Variants in XXYLT1 observed in about 807,000 individuals in gnomAD.
XXYLT1 encodes the protein UDP-xylose:alpha-xyloside alpha-1,3-xylosyltransferase.
In XXYLT1, 20 loss-of-function variants were observed where a neutral mutation model predicts 28.9. The observed-to-expected ratio is 0.69, with a 90% CI of 0.49 to 1.00. The LOEUF (loss-of-function observed/expected upper bound fraction) is 1.00, where lower values mean the gene tolerates loss of function less well. Ranked by LOEUF, XXYLT1 falls within the 50% of genes least tolerant of loss-of-function variation. XXYLT1 has a pLI of 0.00. For missense variants in XXYLT1, 542 were observed against 560.1 expected, an observed-to-expected ratio of 0.97 and a Z score of 0.33; for synonymous variants, 257 against 253.8, an observed-to-expected ratio of 1.01 and a Z score of -0.12.
In XXYLT1 at chr3:195,133,120, C is replaced by G. The variant is rs150545899; in HGVS notation, c.785+23329G>C. Among the ~76,000 whole-genome samples the G allele has an allele frequency of 2.2e-3, 333 of 152,254 alleles. No individual in the cohort carries two copies. Among genetic ancestry groups the G allele is most frequent in the African/African-American group, 7.7e-3 (320 of 41,538 alleles). The stretch of plus-strand genomic sequence containing the variant: ...TAAGCACCAGCATGGTCTCAGGGAC[C>G]TGACAGAAGGAGGGTGGCAAGAGAA... On this transcript the variant is annotated intron_variant, in intron 3 of 3. Transcript: ENST00000310380. This position sits in a 1 kb window ranked among gnomAD's most constrained non-coding sequence, Gnocchi z 4.4.
intron 3 of XXYLT1, among the ~76,000 whole-genome samples, chr3:195,106,261 G>C (rs1426183189): frequency 6.6e-6 from 1 of 152,088 alleles, no homozygotes; most frequent in Non-Finnish European, 1.5e-5. Context: ...TGTCGTTTTT[G>C]ATGGAGAGAT....
At chr3:195,100,574 C>T (rs978102449) in intron 3 of XXYLT1, among the ~76,000 whole-genome samples, 3 of 152,140 alleles carry the variant, frequency 2.0e-5, no homozygotes, top group Non-Finnish European at 4.4e-5. Flanking sequence ...CAGCCTCCTC[C>T]TCCTCTCTCC....
intron 2 of XXYLT1, among the ~76,000 whole-genome samples, chr3:195,189,150 A>G (rs1295700901): frequency 6.6e-6 from 1 of 152,178 alleles, no homozygotes; most frequent in Admixed American, 6.5e-5. Flanking sequence ...AGAGTAACAC[A>G]TGTGACTTGC....
chr3:195,121,676 A>G (rs564647203), intron 3 of XXYLT1, among the ~76,000 whole-genome samples: 4 of 152,294 alleles, frequency 2.6e-5, no homozygotes, highest in South Asian at 4.1e-4. Flanking sequence ...CCTATTCTGG[A>G]GAATGGCACC....
At chr3:195,239,617 A>G (rs868127708) in intron 1 of XXYLT1, among the ~76,000 whole-genome samples, 28 of 152,354 alleles carry the variant, frequency 1.8e-4, no homozygotes, top group African/African-American at 4.8e-4. Context: ...TAATTTGTTT[A>G]CATACACATA....
intron 3 of XXYLT1, among the ~76,000 whole-genome samples, chr3:195,116,776 A>G (rs1164342140): frequency 6.6e-6 from 1 of 152,104 alleles, no homozygotes; most frequent in African/African-American, 2.4e-5. Context: ...ACGGAAACAC[A>G]CTTGCTTGCC....
chr3:195,164,072 C>G (rs1204339387), intron 2 of XXYLT1, among the ~76,000 whole-genome samples: 1 of 152,210 alleles, frequency 6.6e-6, no homozygotes, highest in African/African-American at 2.4e-5. Flanking sequence ...AAGGTTACCC[C>G]CAAATAAATG....
At chr3:195,105,999 G>GACC (rs1560097206) in intron 3 of XXYLT1, among the ~76,000 whole-genome samples, 3 of 152,116 alleles carry the variant, frequency 2.0e-5, no homozygotes, top group African/African-American at 7.2e-5. Context: ...GCATTTCACC[G>GACC]GCGCGTAGCA....
chr3:195,174,760 C>T (rs759495697), intron 2 of XXYLT1, among the ~76,000 whole-genome samples: 1 of 149,188 alleles, frequency 6.7e-6, no homozygotes, highest in African/African-American at 2.5e-5. Context: ...CCTCCTCGTC[C>T]CCTTTCCCTT....
At chr3:195,259,658 C>T (rs1443795957) in intron 1 of XXYLT1, 1 of 985,166 alleles carries the variant, frequency 1.0e-6, no homozygotes, top group East Asian at 1.1e-4. Context: ...GTCCCTCCCG[C>T]AATTAAGGAC....
At chr3:195,189,706 G>A (rs1218095840) in intron 2 of XXYLT1, among the ~76,000 whole-genome samples, 4 of 151,990 alleles carry the variant, frequency 2.6e-5, no homozygotes, top group African/African-American at 7.2e-5. Flanking sequence ...GACACCTGTG[G>A]GACAACTTCA....
chr3:195,164,943 T>G (rs1185188325), intron 2 of XXYLT1, among the ~76,000 whole-genome samples: 1 of 152,058 alleles, frequency 6.6e-6, no homozygotes, highest in African/African-American at 2.4e-5. Flanking sequence ...TGGTGAAATG[T>G]GTGGGGACTT....
chr3:195,243,865 G>C (rs1724888352), intron 1 of XXYLT1, among the ~76,000 whole-genome samples: 2 of 152,214 alleles, frequency 1.3e-5, no homozygotes, highest in Admixed American at 1.3e-4. Flanking sequence ...GTCCTGGATG[G>C]ACTAGTAATT....
chr3:195,104,124 T>C (rs949639269), intron 3 of XXYLT1, among the ~76,000 whole-genome samples: 2 of 151,844 alleles, frequency 1.3e-5, no homozygotes, highest in South Asian at 4.2e-4. Flanking sequence ...GTCGGGCCCA[T>C]GAAATCTACT....
At chr3:195,202,752 C>A (rs1016985834) in intron 2 of XXYLT1, among the ~76,000 whole-genome samples, 3 of 152,194 alleles carry the variant, frequency 2.0e-5, no homozygotes, top group African/African-American at 7.2e-5. Flanking sequence ...CCAGAGATAG[C>A]CACTTAGGTC....
At chr3:195,081,215 C>T (rs994674894) in intron 3 of XXYLT1, among the ~76,000 whole-genome samples, 13 of 135,144 alleles carry the variant, frequency 9.6e-5, no homozygotes, top group Admixed American at 9.4e-4. Context: ...CCAAGAATCA[C>T]ACTAAAAAAA....
chr3:195,156,717 G>A (rs1037036770), intron 2 of XXYLT1, 136 bp from the exon 3 acceptor site: 44 of 1,186,746 alleles, frequency 3.7e-5, no homozygotes, highest in Middle Eastern at 2.4e-4. Context: ...CACAGTTACC[G>A]CTGGAACAAA....
At chr3:195,202,005 C>T (rs746061592) in intron 2 of XXYLT1, among the ~76,000 whole-genome samples, 24 of 152,120 alleles carry the variant, frequency 1.6e-4, no homozygotes, top group Non-Finnish European at 3.2e-4. Context: ...GGAGAAACCC[C>T]GTCTCTACTA....
chr3:195,106,424 C>G (rs939673367), intron 3 of XXYLT1, among the ~76,000 whole-genome samples: 1 of 152,104 alleles, frequency 6.6e-6, no homozygotes, highest in Non-Finnish European at 1.5e-5. Context: ...CCAGCACGGC[C>G]CCGCACACAC....
Sources: allele counts gnomAD v4.1 joint callset (sites outside exome capture counted in the v4.1 genomes callset), GRCh38; gene constraint gnomAD v4.1.1; non-coding constraint Gnocchi (gnomAD v3.1); transcripts MANE v1.5; gene names NCBI Gene and HGNC (gene_info 2026-07-23, HGNC 2026-07-21).